The following ERBIN variants were observed in gnomAD, a reference collection of about 807,000 sequenced individuals.
The protein encoded by ERBIN is densin-180-like protein.
Under a neutral mutation model 158.4 loss-of-function variants are expected in ERBIN, and 60 were observed. That is an observed-to-expected ratio of 0.38 (90% confidence interval 0.31 to 0.47). The LOEUF is 0.47. Ranked by LOEUF, ERBIN falls within the 20% of genes least tolerant of loss-of-function variation. The probability of loss-of-function intolerance (pLI) is 0.99; values close to 1 mark genes in which losing one functional copy is unlikely to be tolerated. For missense variants in ERBIN, 1,610 were observed against 1,648.0 expected, an observed-to-expected ratio of 0.98 and a Z score of 0.40; for synonymous variants, 594 against 557.2, an observed-to-expected ratio of 1.07 and a Z score of -0.93.
chr5:66,010,115 T>C (rs908479409), intron 4 of ERBIN, among the ~76,000 whole-genome samples: 4 of 152,220 alleles, frequency 2.6e-5, no homozygotes, highest in African/African-American at 9.6e-5. Flanking sequence ...GTATTGCATT[T>C]ATTTGTTAGG....
At chr5:65,992,960 A>G in intron 3 of ERBIN, 53 bp downstream of exon 3, 1 of 1,356,872 alleles carries the variant, frequency 7.4e-7, no homozygotes, top group Non-Finnish European at 9.8e-7. Flanking sequence ...TATATCTAGA[A>G]ATATGATATT....
At chr5:65,992,263 C>T (rs1751953126) in intron 2 of ERBIN, among the ~76,000 whole-genome samples, 2 of 152,046 alleles carry the variant, frequency 1.3e-5, no homozygotes, top group Non-Finnish European at 2.9e-5. Context: ...CATTCTCCTG[C>T]CTCAGCCTCC....
chr5:65,967,418 A>G (rs1748778504), intron 1 of ERBIN, among the ~76,000 whole-genome samples: 1 of 151,630 alleles, frequency 6.6e-6, no homozygotes, highest in Non-Finnish European at 1.5e-5. Context: ...TTCATACCAT[A>G]TTTTTGCTGC....
intron 14 of ERBIN, among the ~76,000 whole-genome samples, chr5:66,030,812 C>A (rs1756789693): frequency 6.6e-6 from 1 of 152,012 alleles, no homozygotes; most frequent in Non-Finnish European, 1.5e-5. Context: ...CTCAAGCCAT[C>A]CCCCTGCTTC....
intron 21 of ERBIN, 155 bp downstream of exon 21, chr5:66,055,106 C>G: frequency 7.1e-7 from 1 of 1,404,162 alleles, no homozygotes; most frequent in Non-Finnish European, 9.2e-7. Context: ...TAAACTCAGC[C>G]AGGACAATTG....
intron 25 of ERBIN, among the ~76,000 whole-genome samples, chr5:66,077,630 GA>G (rs1030612911): frequency 2.8e-4 from 43 of 151,790 alleles, no homozygotes; most frequent in African/African-American, 9.9e-4. Flanking sequence ...TTTAAGCTTA[GA>G]AAAAAGCCAC....
chr5:65,969,666 T>G (rs1205377955), intron 1 of ERBIN, among the ~76,000 whole-genome samples: 3 of 152,228 alleles, frequency 2.0e-5, no homozygotes, highest in Admixed American at 6.5e-5. Context: ...AAAATTATAT[T>G]GTCAAGTGTT....
intron 7 of ERBIN, among the ~76,000 whole-genome samples, chr5:66,019,086 T>G (rs1713245126): frequency 6.6e-6 from 1 of 152,192 alleles, no homozygotes; most frequent in Admixed American, 6.5e-5. Context: ...TTCTAACAGT[T>G]TTTTGGTGAA....
At position 66,076,306 on chromosome 5, in the gene ERBIN, A is replaced by G. The variant is rs775094855; in HGVS notation, c.3964-10A>G. Reference sequence around the variant, plus strand: ...AATAGTAAGTTTCCTTTATTTTCATATTAACTCAGATTCGAGTGAGGGTTG... The same window carrying G: ...AATAGTAAGTTTCCTTTATTTTCATGTTAACTCAGATTCGAGTGAGGGTTG... On this transcript the variant is annotated splice_polypyrimidine_tract_variant and intron_variant, in intron 23 of 25. Coordinates refer to ENST00000284037, the MANE Select transcript of ERBIN (RefSeq NM_001253697.2). 6.9e-6 allele frequency: 11 copies of G among 1,604,352 alleles called. No homozygotes were observed.
chr5:65,954,797 G>A (rs985105813), intron 1 of ERBIN, among the ~76,000 whole-genome samples: 18 of 151,958 alleles, frequency 1.2e-4, no homozygotes, highest in African/African-American at 4.4e-4. Flanking sequence ...CAGGTGCGAT[G>A]GCTCACACCT....
chr5:66,000,134 A>G (rs577820725), intron 4 of ERBIN, among the ~76,000 whole-genome samples: 1 of 152,346 alleles, frequency 6.6e-6, no homozygotes, highest in South Asian at 2.1e-4. Context: ...AAAGGGACTC[A>G]AGATAATTTG....
chr5:66,043,312 C>T, intron 16 of ERBIN, 114 bp downstream of exon 16: 1 of 1,029,416 alleles, frequency 9.7e-7, no homozygotes, highest in African/African-American at 1.6e-5. Flanking sequence ...TATTCCTTGT[C>T]CTCAAGGCAC....
intron 4 of ERBIN, among the ~76,000 whole-genome samples, chr5:66,004,103 A>ATT (rs57148473): frequency 8.7e-4 from 92 of 105,158 alleles, no homozygotes; most frequent in African/African-American, 2.7e-3. Context: ...ATGCTCGGCT[A>ATT]TTTTTTTTTT....
intron 1 of ERBIN, among the ~76,000 whole-genome samples, chr5:65,973,701 G>A (rs1749536625): frequency 6.6e-6 from 1 of 151,324 alleles, no homozygotes. Flanking sequence ...AATTGGGTAG[G>A]TGGAATGAGG....
chr5:66,017,380 A>G (rs1754877159), intron 7 of ERBIN, among the ~76,000 whole-genome samples: 1 of 152,026 alleles, frequency 6.6e-6, no homozygotes, highest in Admixed American at 6.6e-5. Flanking sequence ...GATATAAGCC[A>G]TTTTAACTAG....
At chr5:66,058,870 G>A (rs950041599) in intron 21 of ERBIN, among the ~76,000 whole-genome samples, 5 of 151,980 alleles carry the variant, frequency 3.3e-5, no homozygotes, top group African/African-American at 1.2e-4. Context: ...ATTTCTGAGG[G>A]CTCTGTTCTG....
intron 7 of ERBIN, among the ~76,000 whole-genome samples, chr5:66,019,180 C>G (rs1381222581): frequency 6.6e-6 from 1 of 152,094 alleles, no homozygotes; most frequent in Non-Finnish European, 1.5e-5. Flanking sequence ...TTTGGATGCT[C>G]TTTATTTCTT....
intron 14 of ERBIN, among the ~76,000 whole-genome samples, chr5:66,031,643 A>C (rs10043161): frequency 0.058 from 8,753 of 152,160 alleles, 879 homozygotes; most frequent in African/African-American, 0.2. Context: ...CCAACCTGGG[A>C]AACATAGCAA....
chr5:65,997,948 A>G (rs891129555), intron 4 of ERBIN, among the ~76,000 whole-genome samples: 11 of 151,994 alleles, frequency 7.2e-5, no homozygotes, highest in African/African-American at 2.4e-4. Flanking sequence ...ACACACACAC[A>G]AAGTTATGTT....
Sources: allele counts gnomAD v4.1 joint callset (sites outside exome capture counted in the v4.1 genomes callset), GRCh38; gene constraint gnomAD v4.1.1; transcripts MANE v1.5; gene names NCBI Gene and HGNC (gene_info 2026-07-23, HGNC 2026-07-21).